SLCO3A1: variants seen among roughly 807,000 people sequenced by gnomAD.
SLCO3A1 encodes solute carrier organic anion transporter family member 3A1.
SLCO3A1 carries 27 observed loss-of-function variants against 63.1 expected under a neutral mutation model. The observed-to-expected ratio is 0.43, with a 90% CI of 0.32 to 0.59. The LOEUF (loss-of-function observed/expected upper bound fraction) is 0.59. SLCO3A1 is among the 20% of genes least tolerant of loss of function. The pLI, the probability that SLCO3A1 is intolerant of heterozygous loss-of-function variation, is 0.09. For missense variants in SLCO3A1, 773 were observed against 945.8 expected, an observed-to-expected ratio of 0.82 and a Z score of 2.40; for synonymous variants, 473 against 409.9, an observed-to-expected ratio of 1.15 and a Z score of -1.86.
intron 2 of SLCO3A1, among the ~76,000 whole-genome samples, chr15:92,034,896 T>C (rs779920573): frequency 1.3e-5 from 2 of 151,966 alleles, no homozygotes; most frequent in African/African-American, 4.8e-5. Flanking sequence ...ATTCGCTGAT[T>C]TCCTGTTTAA....
intron 2 of SLCO3A1, among the ~76,000 whole-genome samples, chr15:91,920,375 G>A (rs542185262): frequency 6.6e-6 from 1 of 152,338 alleles, no homozygotes; most frequent in African/African-American, 2.4e-5. Context: ...GAGCCAGGAA[G>A]GTGGGAAGAC....
intron 2 of SLCO3A1, among the ~76,000 whole-genome samples, chr15:92,084,062 T>A (rs1188168769): frequency 6.6e-6 from 1 of 152,234 alleles, no homozygotes; most frequent in Non-Finnish European, 1.5e-5. Flanking sequence ...CATGTGCTGC[T>A]TTTAAAATGA....
At chr15:92,026,486 A>C (rs1008053416) in intron 2 of SLCO3A1, among the ~76,000 whole-genome samples, 9 of 152,362 alleles carry the variant, frequency 5.9e-5, no homozygotes, top group Admixed American at 5.9e-4. Flanking sequence ...GAATGCCTTA[A>C]AATGGAAAGT....
In SLCO3A1 at chr15:92,165,579, A is replaced by G. The variant is rs367910481; in HGVS notation, c.*2444A>G. 14 of 984,898 alleles carry G rather than the reference A, an allele frequency of 1.4e-5. No individual in the cohort carries two copies. The East Asian group carries it at 5.7e-4, about 40-fold the overall frequency. 61.0% of individuals were successfully genotyped at this position (984,898 alleles called of 1,614,324 possible). ...CTAAGATTTTAGGATGAATGTGAAA[A>G]AGATGTTAGAATAACAGGAAGACAA... On this transcript the variant is annotated 3_prime_UTR_variant, in exon 10 of 10. Coordinates refer to ENST00000318445, the MANE Select transcript of SLCO3A1 (RefSeq NM_013272.4).
intron 1 of SLCO3A1, among the ~76,000 whole-genome samples, chr15:91,855,899 A>G (rs1567158147): frequency 6.6e-6 from 1 of 152,064 alleles, no homozygotes; most frequent in Non-Finnish European, 1.5e-5. Flanking sequence ...TGCATTATTC[A>G]TGTGTGGCAA....
In SLCO3A1 at chr15:91,856,091, T is replaced by C. The variant is rs78343024; in HGVS notation, c.180+2003T>C. ...AGTGGTGGACTTCTGGAGGCAGGGC[T>C]GGCCCCAGGAGATAGGAGGTTGACT... On this transcript the variant is annotated intron_variant, in intron 1 of 9. Coordinates refer to ENST00000318445, the MANE Select transcript of SLCO3A1 (RefSeq NM_013272.4). This position sits in a 1 kb window ranked among gnomAD's most constrained non-coding sequence, Gnocchi z 4.9. Among the ~76,000 whole-genome samples, 580 of 152,040 alleles carry C rather than the reference T, an allele frequency of 3.8e-3. 1 individual carries two copies. Among genetic ancestry groups the C allele is most frequent in the African/African-American group, 0.013 (545 of 41,438 alleles).
chr15:91,931,788 AACACACACACACGCACACAC>A (rs1357263626), intron 2 of SLCO3A1, among the ~76,000 whole-genome samples: 1 of 144,130 alleles, frequency 6.9e-6, no homozygotes, highest in African/African-American at 2.6e-5. Flanking sequence ...TAAGTGTGGA[AACACACACACACGCACACAC>A]ACACACACAC....
intron 2 of SLCO3A1, among the ~76,000 whole-genome samples, chr15:92,079,345 G>A (rs2047315435): frequency 1.3e-5 from 2 of 152,234 alleles, no homozygotes; most frequent in South Asian, 4.1e-4. Context: ...ACATGCCATA[G>A]ACTGGGTGGC....
chr15:91,972,717 C>G (rs1308440456), intron 2 of SLCO3A1, among the ~76,000 whole-genome samples: 1 of 152,186 alleles, frequency 6.6e-6, no homozygotes, highest in Non-Finnish European at 1.5e-5. Context: ...CAGGTCAGGA[C>G]AGAGGCCCAG....
rs1352481096 is a variant in SLCO3A1, at chr15:91,878,917, C to A, written c.180+24829C>A. 2.0e-5 allele frequency among the ~76,000 whole-genome samples: 3 copies of A among 152,102 alleles called. No individual in the cohort carries two copies. The East Asian group carries it at 5.8e-4, about 29-fold the overall frequency. ...TTTTTTCCTCCTTACCAGTTTTATC[C>A]ATTTCTCTCTTGTGAATAGTTGCAG... is the stretch of plus-strand genomic sequence containing the variant. On this transcript the variant is annotated intron_variant, in intron 1 of 9. Coordinates refer to ENST00000318445, the MANE Select transcript of SLCO3A1 (RefSeq NM_013272.4).
intron 2 of SLCO3A1, among the ~76,000 whole-genome samples, chr15:92,067,996 T>C (rs1192745875): frequency 1.3e-5 from 2 of 152,298 alleles, no homozygotes; most frequent in Admixed American, 6.5e-5. Flanking sequence ...ACCCTATTCA[T>C]GAGGGCTTCA....
intron 2 of SLCO3A1, among the ~76,000 whole-genome samples, chr15:91,917,121 A>G (rs1363309575): frequency 6.6e-6 from 1 of 152,160 alleles, no homozygotes; most frequent in Non-Finnish European, 1.5e-5. Context: ...CGTGGCGGGC[A>G]GTGTTTTCAG....
chr15:91,905,491 T>A (rs1898273746), intron 1 of SLCO3A1, among the ~76,000 whole-genome samples: 1 of 152,206 alleles, frequency 6.6e-6, no homozygotes. Context: ...TGGTTTTTAA[T>A]TTAGTTATTT....
chr15:92,112,568 C>T (rs1437602610), intron 4 of SLCO3A1, among the ~76,000 whole-genome samples: 2 of 152,150 alleles, frequency 1.3e-5, no homozygotes, highest in African/African-American at 2.4e-5. Context: ...GTGTGAACTC[C>T]CAATTGCCAA....
chr15:92,112,106 G>T lies in SLCO3A1; in HGVS notation c.1009+7564G>T, dbSNP rs1430606542. Among the ~76,000 whole-genome samples, 3 of 152,206 alleles carry T rather than the reference G, an allele frequency of 2.0e-5. No individual in the cohort carries two copies. In the South Asian group the frequency reaches 6.2e-4, roughly 32 times the overall value. ...GGGGACTTGGAGATACTTGATTAAA[G>T]ATTGTAGCATTTCACCCCAGTCTGG... On this transcript the variant is annotated intron_variant, in intron 4 of 9. Coordinates refer to ENST00000318445, the MANE Select transcript of SLCO3A1 (RefSeq NM_013272.4).
intron 2 of SLCO3A1, among the ~76,000 whole-genome samples, chr15:91,974,586 A>G (rs1196568084): frequency 2.6e-5 from 4 of 151,586 alleles, no homozygotes; most frequent in Non-Finnish European, 5.9e-5. Flanking sequence ...CAGGCAGGGT[A>G]GGCGTGTGCT....
intron 2 of SLCO3A1, among the ~76,000 whole-genome samples, chr15:92,091,970 C>G (rs986544551): frequency 2.6e-5 from 4 of 152,360 alleles, no homozygotes; most frequent in Non-Finnish European, 5.9e-5. Flanking sequence ...GGTGTCTCCA[C>G]AGCAGGCCAC....
In SLCO3A1 at chr15:91,883,513, C is replaced by T. The variant is rs1597087785; in HGVS notation, c.180+29425C>T. The stretch of plus-strand genomic sequence containing the variant: ...TGGGGCCCTTCATCCTTTGCATTTT[C>T]TTGCATGCAGTAGTCTTCCATAGGG... On this transcript the variant is annotated intron_variant, in intron 1 of 9. Transcript: ENST00000318445. The surrounding 1 kb of genome is among the most constrained non-coding windows in gnomAD (Gnocchi z 4.8). Among the ~76,000 whole-genome samples, 1 of 152,180 alleles carries T rather than the reference C, an allele frequency of 6.6e-6. No homozygotes were observed. Among genetic ancestry groups the T allele is most frequent in the Admixed American group, 6.5e-5 (1 of 15,286 alleles).
chr15:91,884,858 C>CT lies in SLCO3A1; in HGVS notation c.180+30779dup, dbSNP rs750190163. Among the ~76,000 whole-genome samples, 25 of 151,112 alleles carry CT rather than the reference C, an allele frequency of 1.7e-4. No individual in the cohort carries two copies. In the South Asian group the frequency reaches 2.5e-3, roughly 15 times the overall value. On this transcript the variant is annotated intron_variant, in intron 1 of 9. Coordinates refer to ENST00000318445, the MANE Select transcript of SLCO3A1 (RefSeq NM_013272.4). ...ATTTTCATATATTATCTCATTTCAT[C>CT]TTTTTTTTTAAGCTGATTCTTTTAG... is the stretch of plus-strand genomic sequence containing the variant.
Sources: allele counts gnomAD v4.1 joint callset (sites outside exome capture counted in the v4.1 genomes callset), GRCh38; gene constraint gnomAD v4.1.1; non-coding constraint Gnocchi (gnomAD v3.1); transcripts MANE v1.5; gene names NCBI Gene and HGNC (gene_info 2026-07-23, HGNC 2026-07-21).